CEP350: variants seen among roughly 807,000 people sequenced by gnomAD.
CEP350 encodes centrosomal protein 350.
CEP350 carries 126 observed loss-of-function variants against 331.8 expected under a neutral mutation model. The observed-to-expected ratio is 0.38, with a 90% CI of 0.33 to 0.44. The LOEUF (loss-of-function observed/expected upper bound fraction) is 0.44, where lower values mean the gene tolerates loss of function less well. Ranked by LOEUF, CEP350 falls within the 20% of genes least tolerant of loss-of-function variation. The probability of loss-of-function intolerance (pLI) is 1.00; values close to 1 mark genes in which losing one functional copy is unlikely to be tolerated. For synonymous variants in CEP350, 1,200 were observed against 1,259.5 expected, an observed-to-expected ratio of 0.95 and a Z score of 1.00; for missense variants, 3,406 against 3,634.6, an observed-to-expected ratio of 0.94 and a Z score of 1.62.
At chr1:180,023,279 A>G (rs1655451470) in intron 13 of CEP350, among the ~76,000 whole-genome samples, 1 of 150,116 alleles carries the variant, frequency 6.7e-6, no homozygotes, top group Non-Finnish European at 1.5e-5. Flanking sequence ...TCAAAAAAAG[A>G]AAGAAAAAAA....
chr1:179,966,645 A>G (rs1205444501), intron 1 of CEP350, among the ~76,000 whole-genome samples: 2 of 152,194 alleles, frequency 1.3e-5, no homozygotes, highest in African/African-American at 4.8e-5. Context: ...TACCCCCTTC[A>G]GTATTATCAT....
intron 22 of CEP350, chr1:180,052,213 C>CT: frequency 2.2e-6 from 1 of 453,900 alleles, no homozygotes; most frequent in Non-Finnish European, 4.4e-6. Context: ...TTCTTTCTTT[C>CT]TTTTTTTAAG....
chr1:179,991,980 A>T (rs971074281), intron 4 of CEP350, 82 bp from the exon 5 acceptor site: 12 of 1,229,704 alleles, frequency 9.8e-6, no homozygotes, highest in Admixed American at 3.9e-5. Flanking sequence ...TAGATACCTA[A>T]TTTTTTTTTT....
At position 180,005,989 on chromosome 1, in the gene CEP350, G is replaced by A. The variant is rs572567838; in HGVS notation, c.1133-465G>A. Among the ~76,000 whole-genome samples, 12 of 152,246 alleles carry A rather than the reference G, an allele frequency of 7.9e-5. No homozygotes were observed. In the South Asian group the frequency reaches 2.5e-3, roughly 32 times the overall value. ...ATTTTTAAAAAATTAGTAATAATGT[G>A]TATATAAAATACCTTGACATGTTTC... is the stretch of plus-strand genomic sequence containing the variant. On this transcript the variant is annotated intron_variant, in intron 7 of 37. Coordinates refer to ENST00000367607, the MANE Select transcript of CEP350 (RefSeq NM_014810.5).
intron 21 of CEP350, among the ~76,000 whole-genome samples, chr1:180,045,296 C>T (rs1198441673): frequency 6.6e-6 from 1 of 152,102 alleles, no homozygotes; most frequent in Non-Finnish European, 1.5e-5. Context: ...GAGCCAAGAT[C>T]GCACCACTGC....
rs145099076 is a variant in CEP350, at chr1:179,962,423, T to C, written c.-14+7281T>C. 2.7e-3 allele frequency among the ~76,000 whole-genome samples: 406 copies of C among 152,256 alleles called. 19 individuals carry two copies. The highest frequency in any genetic ancestry group is 0.024 in the Admixed American group (360 of 15,298). On this transcript the variant is annotated intron_variant, in intron 1 of 37. Coordinates refer to ENST00000367607, the MANE Select transcript of CEP350 (RefSeq NM_014810.5). ...TTGTTTGTTTGTTTGTTTTGTTTTG[T>C]TTTTGAGGCAGAGTCTCGCTCTGTT...
In CEP350 at chr1:180,022,736, C is replaced by A. The variant is rs771903400; in HGVS notation, c.3274C>A (p.Arg1092=). ...DKLDRGTSTS[R]PLNATATPLS... ...GTTGGACAGAGGAACATCAACATCA[C>A]GGCCTTTGAATGCCACCGCAACTCC... is the stretch of plus-strand genomic sequence containing the variant. Residue 1092 remains arginine (R), a synonymous_variant, in exon 13 of 38, where the codon CGG becomes AGG. Transcript: ENST00000367607. 9 of 1,611,992 alleles carry A rather than the reference C, an allele frequency of 5.6e-6. No individual in the cohort carries two copies. In the African/African-American group the frequency reaches 1.1e-4, roughly 19 times the overall value.
In CEP350 at chr1:180,111,152, A is replaced by G. The variant is rs1203573524; in HGVS notation, c.9345A>G (p.Leu3115=). The part of the protein sequence containing the change: ...NQISEKQGRM[L]LV ...TCAGTGAAAAGCAGGGGAGAATGCT[A>G]CTTGTGTGACATCTTGCAAATAAAT... The change falls in exon 38 of 38, where the codon CTA becomes CTG. Residue 3115 remains leucine, a synonymous_variant. Coordinates refer to ENST00000367607, the MANE Select transcript of CEP350 (RefSeq NM_014810.5). The G allele has an allele frequency of 1.9e-6, 3 of 1,613,760 alleles. No homozygotes were observed. In the East Asian group the frequency reaches 6.7e-5, roughly 36 times the overall value.
intron 27 of CEP350, among the ~76,000 whole-genome samples, chr1:180,071,570 A>G (rs1183342224): frequency 6.6e-6 from 1 of 151,942 alleles, no homozygotes; most frequent in Non-Finnish European, 1.5e-5. Flanking sequence ...TGAGGTCAGG[A>G]GTTCAAGACC....
chr1:179,984,111 A>C (rs570190586), intron 1 of CEP350, among the ~76,000 whole-genome samples: 1 of 152,360 alleles, frequency 6.6e-6, no homozygotes, highest in Admixed American at 6.5e-5. Flanking sequence ...CTTTGCAGAT[A>C]CTGTTCTAGG....
chr1:180,114,712 A>C lies in CEP350; in HGVS notation c.*3551A>C, dbSNP rs867341446. Reference sequence around the variant, plus strand: ...ATCAGGCCATTTTCAGCCAATAGTCACATCCAGTGCAATTTTGCACCGAAC... The same window carrying C: ...ATCAGGCCATTTTCAGCCAATAGTCCCATCCAGTGCAATTTTGCACCGAAC... On this transcript the variant is annotated 3_prime_UTR_variant, in exon 38 of 38. Coordinates refer to ENST00000367607, the MANE Select transcript of CEP350 (RefSeq NM_014810.5). The C allele has an allele frequency of 6.6e-6, 1 of 152,646 alleles. No homozygotes were observed. Among genetic ancestry groups the C allele is most frequent in the Non-Finnish European group, 1.5e-5 (1 of 68,034 alleles). 9.5% of individuals were successfully genotyped at this position (152,646 alleles called of 1,614,324 possible).
intron 1 of CEP350, among the ~76,000 whole-genome samples, chr1:179,962,566 T>C (rs1650714053): frequency 6.6e-6 from 1 of 152,092 alleles, no homozygotes; most frequent in Admixed American, 6.5e-5. Flanking sequence ...CATGCCACCA[T>C]GCCTGGCTGA....
intron 1 of CEP350, chr1:179,968,827 G>A (rs1651216351): frequency 5.7e-6 from 4 of 703,770 alleles, no homozygotes; most frequent in South Asian, 4.1e-5. Flanking sequence ...GCTTCTGCTG[G>A]CAGCTCGTGC....
chr1:179,964,151 C>T (rs1373901915), intron 1 of CEP350, among the ~76,000 whole-genome samples: 2 of 152,072 alleles, frequency 1.3e-5, no homozygotes, highest in Non-Finnish European at 2.9e-5. Flanking sequence ...ATGCCACTGA[C>T]TGTTGTAAGT....
intron 6 of CEP350, among the ~76,000 whole-genome samples, chr1:179,998,930 A>T (rs958160640): frequency 1.3e-4 from 20 of 152,090 alleles, no homozygotes; most frequent in African/African-American, 4.8e-4. Context: ...AAGAATTGCC[A>T]TTGTCCAATA....
chr1:180,015,685 T>C (rs1654928876), intron 10 of CEP350, among the ~76,000 whole-genome samples, 164 bp from the exon 11 acceptor site: 1 of 152,204 alleles, frequency 6.6e-6, no homozygotes, highest in South Asian at 2.1e-4. Context: ...TAGTAATGTT[T>C]GTTTTTAAGA....
chr1:180,021,318 A>G (rs968324732), intron 12 of CEP350, among the ~76,000 whole-genome samples: 1 of 152,184 alleles, frequency 6.6e-6, no homozygotes, highest in Admixed American at 6.5e-5. Context: ...TATATCACGT[A>G]TATACTACAT....
At chr1:179,974,334 C>A (rs1346783490) in intron 1 of CEP350, among the ~76,000 whole-genome samples, 1 of 152,170 alleles carries the variant, frequency 6.6e-6, no homozygotes, top group African/African-American at 2.4e-5. Flanking sequence ...CCTGCCTTGG[C>A]CTCCCAAAGT....
intron 14 of CEP350, among the ~76,000 whole-genome samples, chr1:180,025,104 T>G (rs1655581977): frequency 6.6e-6 from 1 of 152,074 alleles, no homozygotes; most frequent in Admixed American, 6.5e-5. Flanking sequence ...TTTTGTATTT[T>G]TAGTAGAGAC....
Sources: gnomAD v4.1 joint callset for allele counts (sites outside exome capture counted in the v4.1 genomes callset) on GRCh38, gnomAD v4.1.1 for gene constraint, MANE v1.5 for transcripts, NCBI Gene and HGNC (gene_info 2026-07-23, HGNC 2026-07-21) for gene names.